ENTREP1: variants seen among roughly 807,000 people sequenced by gnomAD.
ENTREP1 encodes the protein endosomal transmembrane epsin interactor 1, also known as Friedreich ataxia region gene X123.
At chr9:69,346,617 C>T in the ENTREP1 span, among the ~76,000 whole-genome samples, 1 of 152,068 alleles carries the variant, frequency 6.6e-6, no homozygotes, top group Non-Finnish European at 1.5e-5. Context: ...TTACATTTTG[C>T]TCTTAAGCTA....
At chr9:69,383,489 C>T in the ENTREP1 span, 1 of 1,508,106 alleles carries the variant, frequency 6.6e-7, no homozygotes, top group South Asian at 1.4e-5. Context: ...ATTATTCTCC[C>T]TCTCCTGGCC....
the ENTREP1 span, among the ~76,000 whole-genome samples, chr9:69,378,585 C>T: frequency 6.6e-6 from 1 of 151,766 alleles, no homozygotes; most frequent in East Asian, 1.9e-4. Context: ...GGCTAACCCC[C>T]GTCTCTACTA....
At chr9:69,371,711 G>A in the ENTREP1 span, 2 of 795,938 alleles carry the variant, frequency 2.5e-6, no homozygotes, top group Admixed American at 3.8e-5. Context: ...CTGTCCTGAA[G>A]TGAAACCTGA....
the ENTREP1 span, among the ~76,000 whole-genome samples, chr9:69,339,007 C>T: frequency 3.3e-5 from 5 of 151,922 alleles, no homozygotes; most frequent in African/African-American, 9.7e-5. Flanking sequence ...ATGAGAAATC[C>T]GCAGTTCATA....
the ENTREP1 span, among the ~76,000 whole-genome samples, chr9:69,359,096 G>C: frequency 1.3e-5 from 2 of 151,828 alleles, no homozygotes; most frequent in East Asian, 1.9e-4. Flanking sequence ...AGTAGAGACG[G>C]GGTTTCACCA....
At chr9:69,335,731 C>T in the ENTREP1 span, among the ~76,000 whole-genome samples, 1 of 119,806 alleles carries the variant, frequency 8.3e-6, no homozygotes, top group East Asian at 2.3e-4. Flanking sequence ...GAACAGGGAG[C>T]TTGACTGAGA....
At chr9:69,361,578 A>G in the ENTREP1 span, among the ~76,000 whole-genome samples, 10 of 152,166 alleles carry the variant, frequency 6.6e-5, no homozygotes, top group African/African-American at 2.2e-4. Context: ...CCATTATGGC[A>G]TGTGCTATGA....
At chr9:69,357,350 C>T in the ENTREP1 span, among the ~76,000 whole-genome samples, 2 of 152,114 alleles carry the variant, frequency 1.3e-5, no homozygotes, top group Non-Finnish European at 2.9e-5. Flanking sequence ...AGCAAGAGGC[C>T]TTTCATCCCT....
the ENTREP1 span, among the ~76,000 whole-genome samples, chr9:69,367,273 C>T: frequency 1.3e-5 from 2 of 151,714 alleles, no homozygotes; most frequent in Admixed American, 6.6e-5. Flanking sequence ...GTTTTGGTTA[C>T]TATAACCTTT....
At chr9:69,336,863 T>C in the ENTREP1 span, among the ~76,000 whole-genome samples, 1 of 151,952 alleles carries the variant, frequency 6.6e-6, no homozygotes, top group Non-Finnish European at 1.5e-5. Flanking sequence ...TGCGCCCAGC[T>C]AATTTCTTGT....
At chr9:69,351,705 C>T in the ENTREP1 span, among the ~76,000 whole-genome samples, 1 of 152,172 alleles carries the variant, frequency 6.6e-6, no homozygotes, top group Non-Finnish European at 1.5e-5. Context: ...CATGAGCCAC[C>T]GCACCCAGCC....
At chr9:69,383,896 AGG>A in the ENTREP1 span, 1 of 1,570,546 alleles carries the variant, frequency 6.4e-7, no homozygotes, top group Non-Finnish European at 8.8e-7. Context: ...GGGTCTAATG[AGG>A]GGTGAGTTAA....
At chr9:69,360,406 A>G in the ENTREP1 span, among the ~76,000 whole-genome samples, 1 of 152,130 alleles carries the variant, frequency 6.6e-6, no homozygotes, top group Non-Finnish European at 1.5e-5. Flanking sequence ...ATAAAGTTAT[A>G]TCATGATTTT....
the ENTREP1 span, chr9:69,391,477 CT>C: frequency 1.0e-3 from 708 of 689,076 alleles, 2 homozygotes; most frequent in South Asian, 1.4e-3. Context: ...GGGAAAATGC[CT>C]TTTTTTTTTC....
the ENTREP1 span, among the ~76,000 whole-genome samples, chr9:69,357,095 C>CAAAAAAAAA: frequency 1.1e-5 from 1 of 88,978 alleles, no homozygotes; most frequent in Non-Finnish European, 2.3e-5. Flanking sequence ...ACCATCTCTA[C>CAAAAAAAAA]AAAAAAAAAA....
chr9:69,336,732 G>C, the ENTREP1 span, among the ~76,000 whole-genome samples: 3 of 151,890 alleles, frequency 2.0e-5, no homozygotes, highest in East Asian at 5.8e-4. Flanking sequence ...TTATTTTTGA[G>C]ATGGAGTCTC....
the ENTREP1 span, among the ~76,000 whole-genome samples, chr9:69,360,898 C>CAAA: frequency 1.3e-5 from 2 of 149,736 alleles, no homozygotes; most frequent in Non-Finnish European, 1.5e-5. Flanking sequence ...ATGTAAATTG[C>CAAA]AAAAAAAAAA....
At chr9:69,360,081 C>T in the ENTREP1 span, among the ~76,000 whole-genome samples, 1 of 150,616 alleles carries the variant, frequency 6.6e-6, no homozygotes, top group Admixed American at 6.6e-5. Context: ...CAAGATTATT[C>T]GGCTAGTAAG....
At chr9:69,364,078 A>T in the ENTREP1 span, among the ~76,000 whole-genome samples, 1 of 152,220 alleles carries the variant, frequency 6.6e-6, no homozygotes, top group African/African-American at 2.4e-5. Context: ...AAACCTAATG[A>T]AATGTGTTTT....
Sources: gnomAD v4.1 joint callset for allele counts (sites outside exome capture counted in the v4.1 genomes callset) on GRCh38, gnomAD v4.1.1 for gene constraint, MANE v1.5 for transcripts, NCBI Gene and HGNC (gene_info 2026-07-23, HGNC 2026-07-21) for gene names.